CEP112: variants seen among roughly 807,000 people sequenced by gnomAD.
CEP112 encodes centrosomal protein 112, also known as centrosomal protein of 112 kDa.
In CEP112, 127 loss-of-function variants were observed where a neutral mutation model predicts 153.0. The observed-to-expected ratio is 0.83, with a 90% CI of 0.72 to 0.96. CEP112 has a LOEUF of 0.96. Among genes scored for constraint, CEP112 ranks in the 40% least tolerant of loss-of-function variants. The pLI, the probability that CEP112 is intolerant of heterozygous loss-of-function variation, is 0.00. For missense variants in CEP112, 1,089 were observed against 1,101.2 expected (o/e 0.99, Z 0.16); for synonymous variants, 358 against 374.4 (o/e 0.96, Z 0.51).
Position 65,658,854 on chromosome 17 carries a change from C to T in CEP112, c.2698-17789G>A, listed in dbSNP as rs565370384. On this transcript the variant is annotated intron_variant, in intron 24 of 26. Coordinates refer to ENST00000535342, the MANE Select transcript of CEP112 (RefSeq NM_001199165.4). The stretch of plus-strand genomic sequence containing the variant: ...AGAGATGAGACGAAAGTTAGGAGAG[C>T]GGGGAGCAAGCCTTTAGGTTTCACA... Among the ~76,000 whole-genome samples the T allele has an allele frequency of 2.4e-3, 361 of 151,528 alleles. 3 individuals are homozygous for T. Among genetic ancestry groups the T allele is most frequent in the African/African-American group, 8.1e-3 (334 of 41,254 alleles).
intron 18 of CEP112, among the ~76,000 whole-genome samples, chr17:65,934,726 C>A (rs527698909): frequency 1.3e-5 from 2 of 152,238 alleles, no homozygotes; most frequent in Non-Finnish European, 2.9e-5. Context: ...GAAAAGAGAG[C>A]AAGGGTAGAT....
rs559724745 is a variant in CEP112, at chr17:66,014,637, T to C, written c.1657-8868A>G. On this transcript the variant is annotated intron_variant, in intron 16 of 26. Coordinates refer to ENST00000535342, the MANE Select transcript of CEP112 (RefSeq NM_001199165.4). ...GTCATGGGGTCTTCTGCTGCCAGGA[T>C]TCCAGAGGTCCAAAGCAAGAGCAGC... 3.8e-3 allele frequency among the ~76,000 whole-genome samples: 574 copies of C among 152,232 alleles called. 3 individuals carry two copies. Among genetic ancestry groups the C allele is most frequent in the African/African-American group, 0.013 (532 of 41,538 alleles).
intron 12 of CEP112, among the ~76,000 whole-genome samples, chr17:66,047,658 T>A (rs2066269478): frequency 6.6e-6 from 1 of 152,240 alleles, no homozygotes; most frequent in Non-Finnish European, 1.5e-5. Flanking sequence ...CAGTGTATGA[T>A]AAATTATAAA....
chr17:66,029,167 C>G lies in CEP112; in HGVS notation c.1459G>C (p.Asp487His). ...TGTTCTTGTTTTAGAAGGTTTATAT[C>G]AGCATCATATTTGGTTTGTAACAGT... ...MKLLQTKYDA[D>H]INLLKQEHAL... The change falls in exon 14 of 27, where the codon GAT (aspartate) becomes CAT (histidine). Residue 487 changes from aspartate to histidine, a missense_variant. By Grantham distance (81) the Asp-to-His change is moderately conservative. Transcript: ENST00000535342. 6.2e-7 allele frequency: 1 copy of G among 1,608,922 alleles called. No homozygotes were observed. The highest frequency in any genetic ancestry group is 1.7e-5 in the Admixed American group (1 of 59,878).
At chr17:65,967,181 A>C (rs1473792569) in intron 17 of CEP112, among the ~76,000 whole-genome samples, 1 of 152,208 alleles carries the variant, frequency 6.6e-6, no homozygotes, top group Non-Finnish European at 1.5e-5. Context: ...GCTTGCCCAC[A>C]GGGTCAAACA....
At chr17:66,038,696 T>A (rs913805344) in intron 12 of CEP112, among the ~76,000 whole-genome samples, 6 of 152,180 alleles carry the variant, frequency 3.9e-5, no homozygotes, top group Non-Finnish European at 5.9e-5. Flanking sequence ...CAGAAAATGA[T>A]GAACAGATTA....
chr17:65,728,513 G>T (rs1257034885), intron 23 of CEP112, among the ~76,000 whole-genome samples: 3 of 152,176 alleles, frequency 2.0e-5, no homozygotes, highest in Non-Finnish European at 4.4e-5. Context: ...GCCTGGAGCT[G>T]TGAGTCAATT....
chr17:65,647,204 G>A (rs376157310), intron 24 of CEP112, among the ~76,000 whole-genome samples: 2 of 50,924 alleles, frequency 3.9e-5, no homozygotes, highest in South Asian at 1.1e-3. Flanking sequence ...ACAGAGTTTT[G>A]CTTTTGTTGC....
At chr17:65,773,942 C>T (rs1415325202) in intron 21 of CEP112, among the ~76,000 whole-genome samples, 1 of 152,006 alleles carries the variant, frequency 6.6e-6, no homozygotes, top group Non-Finnish European at 1.5e-5. Context: ...CAAAAATTAG[C>T]CAGGTGTGGT....
intron 8 of CEP112, among the ~76,000 whole-genome samples, chr17:66,095,924 A>T (rs557096923): frequency 1.1e-3 from 167 of 152,076 alleles, no homozygotes; most frequent in African/African-American, 3.7e-3. Context: ...AAAAAAAAAA[A>T]TTTTAATTAG....
At chr17:65,833,110 T>C (rs1374493047) in intron 21 of CEP112, among the ~76,000 whole-genome samples, 3 of 152,098 alleles carry the variant, frequency 2.0e-5, no homozygotes, top group Admixed American at 1.3e-4. Flanking sequence ...AAAAACCACA[T>C]GATTATCTCA....
At chr17:66,167,637 AAC>A (rs1012160581) in intron 4 of CEP112, among the ~76,000 whole-genome samples, 1 of 152,214 alleles carries the variant, frequency 6.6e-6, no homozygotes, top group African/African-American at 2.4e-5. Context: ...AGTGGAAAAA[AAC>A]AGATAAAACT....
intron 21 of CEP112, among the ~76,000 whole-genome samples, chr17:65,811,241 C>T (rs1435810782): frequency 1.3e-5 from 2 of 152,004 alleles, no homozygotes; most frequent in African/African-American, 4.8e-5. Flanking sequence ...TAAATAGGGG[C>T]AAGGAAGCTG....
At chr17:66,163,825 G>A (rs979720799) in intron 4 of CEP112, among the ~76,000 whole-genome samples, 2 of 152,038 alleles carry the variant, frequency 1.3e-5, no homozygotes, top group African/African-American at 2.4e-5. Context: ...ATCCATTTTT[G>A]TTTATTAAAA....
At chr17:65,706,099 C>T (rs2048899386) in intron 23 of CEP112, among the ~76,000 whole-genome samples, 1 of 152,130 alleles carries the variant, frequency 6.6e-6, no homozygotes, top group Non-Finnish European at 1.5e-5. Context: ...ATTATCTCTA[C>T]TTTTGGGTAT....
chr17:66,026,774 C>T (rs2065230112), intron 16 of CEP112, among the ~76,000 whole-genome samples: 1 of 152,120 alleles, frequency 6.6e-6, no homozygotes, highest in Non-Finnish European at 1.5e-5. Context: ...GTACCTAATC[C>T]AATGCTTACA....
intron 16 of CEP112, among the ~76,000 whole-genome samples, chr17:66,025,946 CACAT>C (rs1331192334): frequency 4.9e-5 from 6 of 122,702 alleles, no homozygotes; most frequent in Admixed American, 1.5e-4. Flanking sequence ...CACACACACA[CACAT>C]ATATAGATAT....
At chr17:66,169,374 C>T (rs746707401) in intron 4 of CEP112, among the ~76,000 whole-genome samples, 3 of 149,708 alleles carry the variant, frequency 2.0e-5, no homozygotes, top group African/African-American at 7.4e-5. Flanking sequence ...TCCTCTGGCT[C>T]CTGGGTTCAA....
intron 21 of CEP112, among the ~76,000 whole-genome samples, chr17:65,787,866 T>G (rs1358072806): frequency 2.0e-5 from 3 of 152,232 alleles, no homozygotes; most frequent in Non-Finnish European, 4.4e-5. Context: ...CATCAGTGAA[T>G]AATATCAGGT....
Sources: allele counts gnomAD v4.1 joint callset (sites outside exome capture counted in the v4.1 genomes callset), GRCh38; gene constraint gnomAD v4.1.1; transcripts MANE v1.5; gene names NCBI Gene and HGNC (gene_info 2026-07-23, HGNC 2026-07-21).